Variants in DYM observed in about 807,000 individuals in gnomAD.
The protein encoded by DYM is dyggve-Melchior-Clausen syndrome protein.
DYM carries 78 observed loss-of-function variants against 93.1 expected under a neutral mutation model. That is an observed-to-expected ratio of 0.84 (90% CI 0.70 to 1.01). The LOEUF is 1.01. Among genes scored for constraint, DYM ranks in the 50% least tolerant of loss-of-function variants. The probability of loss-of-function intolerance (pLI) is 0.00; values close to 1 mark genes in which losing one functional copy is unlikely to be tolerated. For synonymous variants in DYM, 321 were observed against 319.7 expected (o/e 1.00, Z -0.04); for missense variants, 789 against 845.0 (o/e 0.93, Z 0.82).
intron 3 of DYM, among the ~76,000 whole-genome samples, chr18:49,385,006 G>C (rs2068450202): frequency 6.7e-6 from 1 of 149,430 alleles, no homozygotes; most frequent in Non-Finnish European, 1.5e-5. Flanking sequence ...AAACCATAAA[G>C]AGAAAAAGCA....
chr18:49,404,026 G>C (rs1036561344), intron 2 of DYM, among the ~76,000 whole-genome samples: 2 of 149,434 alleles, frequency 1.3e-5, no homozygotes, highest in African/African-American at 5.0e-5. Flanking sequence ...TGTTTGTTTT[G>C]AGATGGAGTC....
intron 1 of DYM, among the ~76,000 whole-genome samples, chr18:49,432,723 T>G (rs372886667): frequency 6.6e-6 from 1 of 151,572 alleles, no homozygotes; most frequent in Non-Finnish European, 1.5e-5. Context: ...GGGAGCCTCA[T>G]TGCCTCAGCC....
chr18:49,184,862 A>G (rs2090294234), intron 14 of DYM, among the ~76,000 whole-genome samples: 1 of 152,254 alleles, frequency 6.6e-6, no homozygotes. Context: ...GGACCACCGC[A>G]TATATCTCAG....
intron 16 of DYM, among the ~76,000 whole-genome samples, chr18:49,099,756 T>C (rs2079941574): frequency 6.6e-6 from 1 of 152,176 alleles, no homozygotes; most frequent in South Asian, 2.1e-4. Flanking sequence ...GCATCGTTTA[T>C]TACAGTGAAT....
At chr18:49,342,243 C>T (rs570332409) in intron 6 of DYM, among the ~76,000 whole-genome samples, 105 of 152,248 alleles carry the variant, frequency 6.9e-4, no homozygotes, top group Non-Finnish European at 1.3e-3. Flanking sequence ...GTTCCATCTT[C>T]GAAGGAAGCA....
intron 15 of DYM, among the ~76,000 whole-genome samples, chr18:49,142,807 A>G (rs1035338498): frequency 2.6e-5 from 4 of 152,226 alleles, no homozygotes; most frequent in Non-Finnish European, 4.4e-5. Context: ...AATCACCAAC[A>G]CAGTAGCAAC....
rs554084341 is a variant in DYM, at chr18:49,369,820, G to C, written c.422-6587C>G. Among the ~76,000 whole-genome samples the C allele has an allele frequency of 1.1e-4, 16 of 152,266 alleles. No individual in the cohort carries two copies. In the South Asian group the frequency reaches 3.3e-3, roughly 32 times the overall value. On this transcript the variant is annotated intron_variant, in intron 5 of 17. Transcript: ENST00000675505. ...CCAGGCTTCCGCTTGGCTTTGTCGA[G>C]TCCCTGTCCCTTTTCTACTCTCCAC...
At chr18:49,331,804 A>G in intron 8 of DYM, 60 bp downstream of exon 8, 1 of 1,592,668 alleles carries the variant, frequency 6.3e-7, no homozygotes, top group Non-Finnish European at 8.6e-7. Flanking sequence ...AGAATTTCTT[A>G]TGCCTAAATA....
At chr18:49,391,351 G>T in intron 3 of DYM, 3 of 461,052 alleles carry the variant, frequency 6.5e-6, no homozygotes, top group Non-Finnish European at 1.2e-5. Flanking sequence ...AGAACAAGAC[G>T]AAAGAGTGTC....
chr18:49,364,718 T>C (rs2147390792), intron 5 of DYM, among the ~76,000 whole-genome samples: 1 of 152,278 alleles, frequency 6.6e-6, no homozygotes, highest in Middle Eastern at 3.4e-3. Flanking sequence ...TCTACATTTA[T>C]CTTCCTCCAG....
At chr18:49,222,030 T>G (rs2093382070) in intron 13 of DYM, among the ~76,000 whole-genome samples, 1 of 151,960 alleles carries the variant, frequency 6.6e-6, no homozygotes, top group Non-Finnish European at 1.5e-5. Context: ...AGTATTATTT[T>G]GAATAACTTT....
intron 2 of DYM, chr18:49,393,846 C>T (rs147721771): frequency 2.0e-5 from 3 of 151,872 alleles, no homozygotes; most frequent in African/African-American, 7.2e-5. Flanking sequence ...CATGAATGAA[C>T]CCTGAAGACA....
intron 5 of DYM, among the ~76,000 whole-genome samples, chr18:49,371,533 C>T (rs539756649): frequency 2.0e-5 from 3 of 152,094 alleles, no homozygotes; most frequent in East Asian, 1.9e-4. Flanking sequence ...CCATGAGAAG[C>T]GTTTCCAAAA....
rs568759749 is a variant in DYM, at chr18:49,107,834, G to A, written c.1912-10319C>T. On this transcript the variant is annotated intron_variant, in intron 16 of 17. Transcript: ENST00000675505. Reference sequence around the variant, plus strand: ...TGCCCCTACTGGGGGGTGCCTCCCAGTTAGGCTACTCAGGGGTCAGGGACC... The same window carrying A: ...TGCCCCTACTGGGGGGTGCCTCCCAATTAGGCTACTCAGGGGTCAGGGACC... Among the ~76,000 whole-genome samples the A allele has an allele frequency of 1.3e-4, 20 of 152,336 alleles. No individual in the cohort carries two copies. In the South Asian group the frequency reaches 4.1e-3, roughly 32 times the overall value.
At chr18:49,442,816 G>C (rs1032196038) in intron 1 of DYM, among the ~76,000 whole-genome samples, 1 of 151,006 alleles carries the variant, frequency 6.6e-6, no homozygotes, top group African/African-American at 2.4e-5. Flanking sequence ...GCAAATTACA[G>C]CCCAAGGGCT....
At chr18:49,055,997 G>C (rs917484605) in intron 17 of DYM, among the ~76,000 whole-genome samples, 1 of 152,110 alleles carries the variant, frequency 6.6e-6, no homozygotes, top group South Asian at 2.1e-4. Context: ...ACACTGCCAC[G>C]GCAGCTGAGG....
rs77292215 is a variant in DYM at position 49,053,351 on chromosome 18, C to A, written c.2026-9147G>T. Among the ~76,000 whole-genome samples, 983 of 152,268 alleles carry A rather than the reference C, an allele frequency of 6.5e-3. 10 individuals carry two copies. Among genetic ancestry groups the A allele is most frequent in the African/African-American group, 0.022 (922 of 41,540 alleles). ...TTTTATTACCACGAAAGTTGAATGG[C>A]GTTTTCCCCCTTCCACCTAAAGATG... On this transcript the variant is annotated intron_variant, in intron 17 of 17. Transcript: ENST00000675505.
At chr18:49,317,650 TTCCTTCCTTCC>T (rs2062095889) in intron 8 of DYM, among the ~76,000 whole-genome samples, 7 of 73,548 alleles carry the variant, frequency 9.5e-5, no homozygotes, top group African/African-American at 4.8e-4. Flanking sequence ...TCTCCTCTCC[TTCCTTCCTTCC>T]TTCCTTCCTT....
At chr18:49,232,924 T>G (rs2093749439) in intron 13 of DYM, among the ~76,000 whole-genome samples, 1 of 152,130 alleles carries the variant, frequency 6.6e-6, no homozygotes, top group East Asian at 1.9e-4. Context: ...CGGAATTTCT[T>G]ATACTTAAAG....
Sources: allele counts gnomAD v4.1 joint callset (sites outside exome capture counted in the v4.1 genomes callset), GRCh38; gene constraint gnomAD v4.1.1; transcripts MANE v1.5; gene names NCBI Gene and HGNC (gene_info 2026-07-23, HGNC 2026-07-21).